PPEF1: variants seen among roughly 807,000 people sequenced by gnomAD.
PPEF1 encodes the protein serine/threonine-protein phosphatase with EF-hands 1.
PPEF1 carries 12 observed loss-of-function variants against 53.3 expected under a neutral mutation model. That is an observed-to-expected ratio of 0.23 (90% CI 0.14 to 0.36). PPEF1 has a LOEUF of 0.36. PPEF1 is among the 10% of genes least tolerant of loss of function. The probability of loss-of-function intolerance (pLI) is 1.00; values close to 1 mark genes in which losing one functional copy is unlikely to be tolerated. For synonymous variants in PPEF1, 165 were observed against 176.7 expected (o/e 0.93, Z 0.52); for missense variants, 334 against 490.4 (o/e 0.68, Z 3.01).
chrX:18,709,540 C>CAGGCTGG (rs1481141490), intron 1 of PPEF1, among the ~76,000 whole-genome samples: 3 of 107,485 alleles, frequency 2.8e-5, no homozygotes, highest in African/African-American at 1.0e-4. Flanking sequence ...CTCTGTCACC[C>CAGGCTGG]AGGCTGGAGT....
intron 10 of PPEF1, among the ~76,000 whole-genome samples, chrX:18,800,754 C>T (rs997528602): frequency 1.3e-4 from 14 of 111,475 alleles, no homozygotes; most frequent in Admixed American, 1.3e-3. Context: ...GCAAATACTA[C>T]GCCATTTTAT....
At chrX:18,762,510 T>G (rs759735993) in intron 6 of PPEF1, among the ~76,000 whole-genome samples, 5 of 112,001 alleles carry the variant, frequency 4.5e-5, no homozygotes, top group Non-Finnish European at 9.4e-5. Context: ...GTCCATAGAC[T>G]AAAGTGAAAG....
At chrX:18,746,200 A>G (rs2045325909) in intron 3 of PPEF1, among the ~76,000 whole-genome samples, 1 of 112,443 alleles carries the variant, frequency 8.9e-6, no homozygotes, top group African/African-American at 3.2e-5. Flanking sequence ...ACAAATCTTT[A>G]TATATTGTTC....
intron 11 of PPEF1, among the ~76,000 whole-genome samples, chrX:18,805,809 T>C (rs2046647017): frequency 1.9e-5 from 2 of 104,076 alleles, no homozygotes; most frequent in South Asian, 9.0e-4. Flanking sequence ...TGCCATTGCA[T>C]TCCATCATGG....
intron 4 of PPEF1, among the ~76,000 whole-genome samples, chrX:18,756,292 G>T (rs2045548943): frequency 9.1e-6 from 1 of 110,004 alleles, no homozygotes; most frequent in Non-Finnish European, 1.9e-5. Context: ...TGATTCTCCT[G>T]CCTCAGCCTC....
chrX:18,816,923 A>G (rs574880965), intron 12 of PPEF1, among the ~76,000 whole-genome samples: 19 of 111,738 alleles, frequency 1.7e-4, no homozygotes, highest in Middle Eastern at 9.2e-3. Context: ...TTTTGAGACT[A>G]AAGTGTGTCT....
At chrX:18,706,914 C>T (rs1397229678), upstream of PPEF1, among the ~76,000 whole-genome samples, 2 of 100,542 alleles carry the variant, frequency 2.0e-5, no homozygotes, top group Admixed American at 2.2e-4. Context: ...CTGCAACCTC[C>T]GCCTCCTGGG....
At chrX:18,786,797 A>C (rs1240251305) in intron 9 of PPEF1, among the ~76,000 whole-genome samples, 1 of 40,279 alleles carries the variant, frequency 2.5e-5, no homozygotes, top group African/African-American at 1.0e-4. Flanking sequence ...AAAAAAAAAA[A>C]AAAGAAAAGA....
At chrX:18,725,319 G>A (rs1319793879) in intron 1 of PPEF1, among the ~76,000 whole-genome samples, 1 of 111,743 alleles carries the variant, frequency 8.9e-6, no homozygotes, top group Non-Finnish European at 1.9e-5. Flanking sequence ...TATTCCGGTT[G>A]AGAAACTTGC....
At chrX:18,700,055 G>A (rs1385746051) in intron 5 of PPEF1, 1 of 112,083 alleles carries the variant, frequency 8.9e-6, no homozygotes, top group Admixed American at 9.5e-5. Context: ...TGCATCTCCA[G>A]GCCAGGAACA....
intron 1 of PPEF1, among the ~76,000 whole-genome samples, chrX:18,677,604 G>A (rs755581885): frequency 9.0e-6 from 1 of 111,150 alleles, no homozygotes; most frequent in East Asian, 2.9e-4. Context: ...TAAACCTCCT[G>A]TACCCCCAAC....
intron 5 of PPEF1, among the ~76,000 whole-genome samples, chrX:18,759,797 A>G (rs2045621552): frequency 8.9e-6 from 1 of 111,858 alleles, no homozygotes; most frequent in African/African-American, 3.3e-5. Flanking sequence ...GGAGTCTTCT[A>G]TTGCATGTAT....
At chrX:18,746,787 A>T (rs750883862) in intron 3 of PPEF1, among the ~76,000 whole-genome samples, 5 of 112,264 alleles carry the variant, frequency 4.5e-5, no homozygotes, top group African/African-American at 1.6e-4. Flanking sequence ...AATATGCAGT[A>T]AAAGTGTAAT....
chrX:18,794,443 C>T (rs1213822881), intron 10 of PPEF1, among the ~76,000 whole-genome samples: 3 of 113,106 alleles, frequency 2.7e-5, no homozygotes, highest in African/African-American at 9.6e-5. Context: ...CTGGGCCAAA[C>T]CACTGTGCCA....
intron 10 of PPEF1, among the ~76,000 whole-genome samples, chrX:18,798,382 A>G (rs865855406): frequency 8.9e-6 from 1 of 111,840 alleles, no homozygotes. Context: ...GAGGCTCCCA[A>G]GAGGGAAATG....
intron 7 of PPEF1, among the ~76,000 whole-genome samples, chrX:18,781,076 G>A (rs2046076117): frequency 1.1e-5 from 1 of 89,990 alleles, no homozygotes; most frequent in South Asian, 8.1e-4. Flanking sequence ...AAAAAGGGTG[G>A]GGGGAGGGAA....
At chrX:18,740,008 T>G (rs920695022) in intron 3 of PPEF1, among the ~76,000 whole-genome samples, 6 of 112,387 alleles carry the variant, frequency 5.3e-5, no homozygotes, top group African/African-American at 1.9e-4. Flanking sequence ...AGTGGGAGTG[T>G]CCTGATTTTC....
At chrX:18,703,512 C>A (rs886350358), upstream of PPEF1, among the ~76,000 whole-genome samples, 2 of 112,027 alleles carry the variant, frequency 1.8e-5, no homozygotes, top group Non-Finnish European at 3.8e-5. Context: ...CTTTTAGCAA[C>A]TAAATTTTTA....
chrX:18,729,525 A>G (rs1359550355), intron 1 of PPEF1, among the ~76,000 whole-genome samples: 1 of 112,139 alleles, frequency 8.9e-6, no homozygotes, highest in Non-Finnish European at 1.9e-5. Context: ...CAATGGAAGT[A>G]CTATGTTTTT....
Sources: gnomAD v4.1 joint callset for allele counts (sites outside exome capture counted in the v4.1 genomes callset) on GRCh38, gnomAD v4.1.1 for gene constraint, MANE v1.5 for transcripts, NCBI Gene and HGNC (gene_info 2026-07-23, HGNC 2026-07-21) for gene names.